The following WIPF2 variants were observed in gnomAD, a reference collection of about 807,000 sequenced individuals.
WIPF2 encodes the protein WAS/WASL interacting protein family member 2.
Under a neutral mutation model 38.8 loss-of-function variants are expected in WIPF2, and 23 were observed. That is an observed-to-expected ratio of 0.59 (90% CI 0.43 to 0.84). WIPF2 has a LOEUF of 0.84. Among genes scored for constraint, WIPF2 ranks in the 40% least tolerant of loss-of-function variants. The pLI is 0.00. For synonymous variants in WIPF2, 210 were observed against 223.2 expected (o/e 0.94, Z 0.53); for missense variants, 574 against 580.5 (o/e 0.99, Z 0.11).
rs767730773 is a variant in WIPF2 at position 40,233,029 on chromosome 17, T to TA, written c.-70+13538dup. On this transcript the variant is annotated intron_variant, in intron 1 of 7. Coordinates refer to ENST00000323571, the MANE Select transcript of WIPF2 (RefSeq NM_133264.5). ...AGTTGCTCTCATATTTGCCCTCTGT[T>TA]AGAGTAAGCTGTGGGGTTGTTGATC... Among the ~76,000 whole-genome samples, 7 of 152,174 alleles carry TA rather than the reference T, an allele frequency of 4.6e-5. No individual in the cohort carries two copies. In the East Asian group the frequency reaches 9.6e-4, roughly 21 times the overall value.
chr17:40,225,402 C>G (rs1272544547), intron 1 of WIPF2, among the ~76,000 whole-genome samples: 1 of 151,786 alleles, frequency 6.6e-6, no homozygotes, highest in African/African-American at 2.4e-5. Context: ...GATATGTTTG[C>G]TAATGTCTAT....
At chr17:40,251,793 A>T (rs2064056554) in intron 1 of WIPF2, among the ~76,000 whole-genome samples, 1 of 152,198 alleles carries the variant, frequency 6.6e-6, no homozygotes, top group South Asian at 2.1e-4. Flanking sequence ...TGTCCTCACC[A>T]TAAAATGGGA....
At chr17:40,274,557 G>GA (rs571085371) in intron 6 of WIPF2, among the ~76,000 whole-genome samples, 1,089 of 24,756 alleles carry the variant, frequency 0.044, 279 homozygotes, top group Middle Eastern at 0.056. Context: ...TGGAATTCTT[G>GA]AAAAAAAAAA....
intron 5 of WIPF2, among the ~76,000 whole-genome samples, chr17:40,265,571 C>T (rs2032064228): frequency 6.6e-6 from 1 of 151,962 alleles, no homozygotes; most frequent in Non-Finnish European, 1.5e-5. Context: ...GTGGGAACAA[C>T]AAATGCAGAG....
chr17:40,277,509 G>A (rs889377028), intron 7 of WIPF2, among the ~76,000 whole-genome samples: 3 of 151,932 alleles, frequency 2.0e-5, no homozygotes, highest in Non-Finnish European at 2.9e-5. Flanking sequence ...GTGAAACCCC[G>A]TCTCTACTAA....
At chr17:40,249,900 T>C (rs2031497138) in intron 1 of WIPF2, among the ~76,000 whole-genome samples, 1 of 149,776 alleles carries the variant, frequency 6.7e-6, no homozygotes, top group African/African-American at 2.5e-5. Flanking sequence ...TGACGTGACC[T>C]TGGCTAACTG....
Position 40,282,466 on chromosome 17 carries a change from CGTGTGTGT to C in WIPF2, c.*4244_*4251del, listed in dbSNP as rs35289397. On this transcript the variant is annotated 3_prime_UTR_variant, in exon 8 of 8. Coordinates refer to ENST00000323571, the MANE Select transcript of WIPF2 (RefSeq NM_133264.5). Reference sequence around the variant, plus strand: ...ACACGTGTGCGTGCGCACGCGTGTGCGTGTGTGTGTTCATCTGTCTGCATGTGGATCAA... The same window carrying C: ...ACACGTGTGCGTGCGCACGCGTGTGCGTTCATCTGTCTGCATGTGGATCAA... 1.3e-5 allele frequency: 2 copies of C among 152,004 alleles called. No individual in the cohort carries two copies. The highest frequency in any genetic ancestry group is 4.8e-5 in the African/African-American group (2 of 41,308). 9.4% of individuals were successfully genotyped at this position (152,004 alleles called of 1,614,324 possible).
chr17:40,262,070 C>G (rs2031924747), intron 3 of WIPF2, among the ~76,000 whole-genome samples: 1 of 123,370 alleles, frequency 8.1e-6, no homozygotes, highest in African/African-American at 3.3e-5. Context: ...CTTTTCTTTT[C>G]TTTTCTCTTT....
At chr17:40,226,379 T>A (rs897925372) in intron 1 of WIPF2, among the ~76,000 whole-genome samples, 3 of 151,620 alleles carry the variant, frequency 2.0e-5, no homozygotes, top group Non-Finnish European at 4.4e-5. Context: ...AATTTAATTT[T>A]TTTTTTTTTG....
At chr17:40,238,470 A>C (rs1021739562) in intron 1 of WIPF2, among the ~76,000 whole-genome samples, 1 of 150,926 alleles carries the variant, frequency 6.6e-6, no homozygotes, top group Non-Finnish European at 1.5e-5. Context: ...TGCCCGGCTA[A>C]TTTTTGTAGT....
chr17:40,262,077 CTTTTTTT>C (rs34246534), intron 3 of WIPF2, among the ~76,000 whole-genome samples: 2 of 122,610 alleles, frequency 1.6e-5, no homozygotes, highest in South Asian at 2.6e-4. Context: ...TTTCTTTTCT[CTTTTTTT>C]TTTTTTTTTT....
At position 40,264,751 on chromosome 17, in the gene WIPF2, C is replaced by T. The variant is rs562065100; in HGVS notation, c.575C>T (p.Pro192Leu). The change falls in exon 5 of 8, where the codon CCT becomes CTT. Residue 192 changes from proline to leucine, a missense_variant. Transcript: ENST00000323571. ...CGGCGTGCCAACGCACCCCCCACACCTCTGCCTATGCACAGCAGCAAAGCC... is the reference window on the plus strand; with the variant it reads ...CGGCGTGCCAACGCACCCCCCACACTTCTGCCTATGCACAGCAGCAAAGCC... The part of the protein sequence containing the change: ...PGRRANAPPT[P>L]LPMHSSKAPA... 11 of 1,607,832 alleles carry T rather than the reference C, an allele frequency of 6.8e-6. No homozygotes were observed. The highest frequency in any genetic ancestry group is 6.7e-5 in the East Asian group (3 of 44,844).
intron 4 of WIPF2, among the ~76,000 whole-genome samples, chr17:40,263,197 T>C (rs753265272): frequency 1.3e-5 from 2 of 152,034 alleles, no homozygotes; most frequent in African/African-American, 2.4e-5. Context: ...GGAAGACAAT[T>C]TTTCCATAGA....
chr17:40,256,331 T>C, intron 1 of WIPF2, 60 bp from the exon 2 acceptor site: 1 of 1,391,242 alleles, frequency 7.2e-7, no homozygotes, highest in Non-Finnish European at 9.7e-7. Flanking sequence ...TCTCTCATTC[T>C]CCTGGGCACT....
chr17:40,225,341 A>G (rs1288620056), intron 1 of WIPF2, among the ~76,000 whole-genome samples: 1 of 152,032 alleles, frequency 6.6e-6, no homozygotes. Context: ...TAAAAAAAAA[A>G]TGCTGAATAG....
rs2032576373 is a variant in WIPF2, at chr17:40,282,635, A to G, written c.*4410A>G. On this transcript the variant is annotated 3_prime_UTR_variant, in exon 8 of 8. Coordinates refer to ENST00000323571, the MANE Select transcript of WIPF2 (RefSeq NM_133264.5). ...CTGGTCTCAGGTTGGATTCTTTGGT[A>G]CATTTCTCTCTTCTGGATGCCATGC... 1 of 152,200 alleles carries G rather than the reference A, an allele frequency of 6.6e-6. No individual in the cohort carries two copies. Among genetic ancestry groups the G allele is most frequent in the South Asian group, 2.1e-4 (1 of 4,828 alleles). The allele number at this position is 152,200 out of a possible 1,614,324, so 9.4% of individuals were successfully genotyped here. A position where few individuals can be genotyped will look rare whatever the true frequency, so the allele number is the denominator to read the frequency against.
In WIPF2 at chr17:40,224,512, C is replaced by T. The variant is rs2030399169; in HGVS notation, c.-70+5020C>T. Reference sequence around the variant, plus strand: ...CCACCCGCCTCGGCCTCCCAAAGTGCTGAAATTACGGGCGTGAGCCACCGC... The same window carrying T: ...CCACCCGCCTCGGCCTCCCAAAGTGTTGAAATTACGGGCGTGAGCCACCGC... On this transcript the variant is annotated intron_variant, in intron 1 of 7. Transcript: ENST00000323571. Among the ~76,000 whole-genome samples, 5 of 149,516 alleles carry T rather than the reference C, an allele frequency of 3.3e-5. No homozygotes were observed. The South Asian group carries it at 8.4e-4, about 25-fold the overall frequency.
chr17:40,229,035 C>T (rs1474724781), intron 1 of WIPF2, among the ~76,000 whole-genome samples: 1 of 151,846 alleles, frequency 6.6e-6, no homozygotes, highest in Non-Finnish European at 1.5e-5. Flanking sequence ...TCCTAAATAG[C>T]TGGGACTGCA....
intron 5 of WIPF2, among the ~76,000 whole-genome samples, chr17:40,270,978 A>ATCT (rs2032234631): frequency 1.3e-5 from 2 of 152,084 alleles, no homozygotes; most frequent in Non-Finnish European, 2.9e-5. Flanking sequence ...AGGAATAATA[A>ATCT]GATACTCTTT....
Sources: allele counts gnomAD v4.1 joint callset (sites outside exome capture counted in the v4.1 genomes callset), GRCh38; gene constraint gnomAD v4.1.1; transcripts MANE v1.5; gene names NCBI Gene and HGNC (gene_info 2026-07-23, HGNC 2026-07-21).